Variants in BMPER observed in about 807,000 individuals in gnomAD.
BMPER encodes BMP binding endothelial regulator.
BMPER carries 45 observed loss-of-function variants against 87.3 expected under a neutral mutation model. That is an observed-to-expected ratio of 0.52 (90% CI 0.41 to 0.66). The LOEUF (loss-of-function observed/expected upper bound fraction) is 0.66, where lower values mean the gene tolerates loss of function less well. Ranked by LOEUF, BMPER falls within the 30% of genes least tolerant of loss-of-function variation. BMPER has a pLI of 0.00. For missense variants in BMPER, 784 were observed against 867.5 expected (o/e 0.90, Z 1.21); for synonymous variants, 326 against 316.2 (o/e 1.03, Z -0.33).
rs187484124 is a variant in BMPER at position 34,097,665 on chromosome 7, G to A, written c.1745+11573G>A. On this transcript the variant is annotated intron_variant, in intron 13 of 14. Transcript: ENST00000649409. ...AACAAGTTCCCAGGTTGATGCTGGGGTTCAGGAACCACATCTTGAGAATCA... is the reference window on the plus strand; with the variant it reads ...AACAAGTTCCCAGGTTGATGCTGGGATTCAGGAACCACATCTTGAGAATCA... Among the ~76,000 whole-genome samples, 125 of 152,238 alleles carry A rather than the reference G, an allele frequency of 8.2e-4. 2 individuals carry two copies. In the East Asian group the frequency reaches 0.022, roughly 26 times the overall value.
In BMPER at chr7:34,078,935, G is replaced by A; in HGVS notation, c.1157G>A (p.Cys386Tyr). The change falls in exon 12 of 15, where the codon TGT (cysteine) becomes TAT (tyrosine). Residue 386 changes from cysteine to tyrosine, a missense_variant. Cys to Tyr is a radical substitution (Grantham distance 194). Coordinates refer to ENST00000649409, the MANE Select transcript of BMPER (RefSeq NM_001365308.1). The stretch of plus-strand genomic sequence containing the variant: ...CGGACATTTAACTTTCAGGGGACGT[G>A]TCAGTACGTTTTGACAAAAGACTGC... The part of the protein sequence containing the change: ...DGRTFNFQGT[C>Y]QYVLTKDCSS... 3 of 1,614,184 alleles carry A rather than the reference G, an allele frequency of 1.9e-6. No individual in the cohort carries two copies. Among genetic ancestry groups the A allele is most frequent in the Non-Finnish European group, 2.5e-6 (3 of 1,180,040 alleles).
chr7:34,093,873 G>T (rs1002104244), intron 13 of BMPER, among the ~76,000 whole-genome samples: 2 of 152,160 alleles, frequency 1.3e-5, no homozygotes, highest in Non-Finnish European at 2.9e-5. Context: ...GCAGAATGGT[G>T]TAACTTAATT....
chr7:34,101,586 C>G (rs1789683561), intron 13 of BMPER, among the ~76,000 whole-genome samples: 1 of 152,200 alleles, frequency 6.6e-6, no homozygotes, highest in Non-Finnish European at 1.5e-5. Flanking sequence ...AGACCTTGAG[C>G]CACAAGAGGC....
chr7:33,935,578 G>A (rs1191009855), intron 2 of BMPER, among the ~76,000 whole-genome samples: 1 of 141,204 alleles, frequency 7.1e-6, no homozygotes, highest in African/African-American at 2.8e-5. Flanking sequence ...TCCCAAAAAA[G>A]AAAGAGAGAA....
intron 6 of BMPER, among the ~76,000 whole-genome samples, chr7:34,011,601 A>AG (rs1554304698): frequency 6.7e-6 from 1 of 148,826 alleles, no homozygotes; most frequent in African/African-American, 2.5e-5. Context: ...AAAAAAAAAA[A>AG]AAAGAAAAAA....
intron 6 of BMPER, among the ~76,000 whole-genome samples, chr7:33,984,783 A>G (rs940238936): frequency 6.6e-6 from 1 of 152,230 alleles, no homozygotes; most frequent in East Asian, 1.9e-4. Flanking sequence ...GTTGTATCCT[A>G]GAAAAGATCA....
intron 6 of BMPER, among the ~76,000 whole-genome samples, chr7:34,041,134 G>A (rs775767323): frequency 5.3e-5 from 8 of 152,160 alleles, no homozygotes; most frequent in Non-Finnish European, 8.8e-5. Flanking sequence ...AAATAACTCA[G>A]CTTGGATGTT....
intron 6 of BMPER, among the ~76,000 whole-genome samples, chr7:34,028,799 G>A (rs1011101416): frequency 3.3e-5 from 5 of 151,626 alleles, no homozygotes; most frequent in African/African-American, 1.2e-4. Context: ...AGGAGCCTGT[G>A]TAGAGTAAAC....
chr7:34,052,758 C>T (rs561464738), intron 8 of BMPER, among the ~76,000 whole-genome samples: 1 of 151,978 alleles, frequency 6.6e-6, no homozygotes, highest in East Asian at 1.9e-4. Context: ...GAGTCAATAG[C>T]TGGGATTAGA....
chr7:34,045,115 C>G (rs550638785), intron 6 of BMPER, among the ~76,000 whole-genome samples: 1 of 152,120 alleles, frequency 6.6e-6, no homozygotes, highest in Non-Finnish European at 1.5e-5. Flanking sequence ...CCTGCGGGTA[C>G]TAGTTTGGTT....
intron 6 of BMPER, among the ~76,000 whole-genome samples, chr7:34,045,854 G>A (rs144332288): frequency 3.3e-5 from 5 of 152,258 alleles, no homozygotes; most frequent in Admixed American, 2.6e-4. Context: ...AGGAGGAAAA[G>A]TCTCAAAATG....
intron 6 of BMPER, among the ~76,000 whole-genome samples, chr7:34,016,732 G>A (rs375509798): frequency 6.6e-6 from 1 of 151,822 alleles, no homozygotes; most frequent in Non-Finnish European, 1.5e-5. Flanking sequence ...TTTGAGTAAC[G>A]CCCTCATAGA....
chr7:34,054,034 G>A (rs1788214176), intron 8 of BMPER, among the ~76,000 whole-genome samples: 1 of 152,184 alleles, frequency 6.6e-6, no homozygotes, highest in Non-Finnish European at 1.5e-5. Flanking sequence ...AACCTGAGAG[G>A]CTTTCCTGAC....
In BMPER at chr7:34,011,187, C is replaced by T. The variant is rs529393615; in HGVS notation, c.577-35119C>T. On this transcript the variant is annotated intron_variant, in intron 6 of 14. Transcript: ENST00000649409. ...AGCAACCTGGGATCTAGTTGCAATA[C>T]TTCTTAGACTATAATGTGCCTATTA... 2.6e-5 allele frequency among the ~76,000 whole-genome samples: 4 copies of T among 151,822 alleles called. No homozygotes were observed. In the South Asian group the frequency reaches 6.2e-4, roughly 24 times the overall value.
In BMPER at chr7:33,975,935, G is replaced by A. The variant is rs559058551; in HGVS notation, c.576+1151G>A. 1.3e-4 allele frequency among the ~76,000 whole-genome samples: 20 copies of A among 152,112 alleles called. No individual in the cohort carries two copies. The South Asian group carries it at 4.1e-3, about 32-fold the overall frequency. On this transcript the variant is annotated intron_variant, in intron 6 of 14. Coordinates refer to ENST00000649409, the MANE Select transcript of BMPER (RefSeq NM_001365308.1). ...TGATGGCTTTTGTATGGGGGAGAAG[G>A]AGGTAAAAAAGGAAGGGAGGGAGGA...
At chr7:33,987,927 G>C (rs2127922786) in intron 6 of BMPER, among the ~76,000 whole-genome samples, 1 of 152,240 alleles carries the variant, frequency 6.6e-6, no homozygotes, top group Non-Finnish European at 1.5e-5. Flanking sequence ...TTTCATTTCT[G>C]ACTTGATTAG....
chr7:34,094,491 A>C (rs903432589), intron 13 of BMPER, among the ~76,000 whole-genome samples: 5 of 152,356 alleles, frequency 3.3e-5, no homozygotes, highest in Middle Eastern at 3.4e-3. Context: ...GCAGGGGAGC[A>C]GCAGGTCCCA....
intron 9 of BMPER, among the ~76,000 whole-genome samples, chr7:34,055,835 C>G (rs1229858154): frequency 1.3e-5 from 2 of 152,208 alleles, no homozygotes; most frequent in African/African-American, 2.4e-5. Context: ...TGTTACCAAT[C>G]TCAGGTGTAT....
intron 13 of BMPER, among the ~76,000 whole-genome samples, chr7:34,114,304 T>C (rs1178488206): frequency 6.6e-6 from 1 of 152,224 alleles, no homozygotes; most frequent in Non-Finnish European, 1.5e-5. Flanking sequence ...TGGCCCTGGC[T>C]GTGTTCAACA....
Sources: gnomAD v4.1 joint callset for allele counts (sites outside exome capture counted in the v4.1 genomes callset) on GRCh38, gnomAD v4.1.1 for gene constraint, MANE v1.5 for transcripts, NCBI Gene and HGNC (gene_info 2026-07-23, HGNC 2026-07-21) for gene names.